Variants in SCUBE1 observed in about 807,000 individuals in gnomAD.
SCUBE1 encodes signal peptide, CUB domain and EGF like domain containing 1.
In SCUBE1, 59 loss-of-function variants were observed where a neutral mutation model predicts 124.4. That is an observed-to-expected ratio of 0.47 (90% CI 0.38 to 0.59). The LOEUF is 0.59. SCUBE1 is among the 20% of genes least tolerant of loss of function. SCUBE1 has a pLI of 0.00. For missense variants in SCUBE1, 1,150 were observed against 1,371.2 expected (o/e 0.84, Z 2.55); for synonymous variants, 545 against 550.9 (o/e 0.99, Z 0.15).
At chr22:43,240,832 C>T (rs1232961282) in intron 6 of SCUBE1, among the ~76,000 whole-genome samples, 1 of 152,188 alleles carries the variant, frequency 6.6e-6, no homozygotes, top group Non-Finnish European at 1.5e-5. Context: ...TGCTCCCCTC[C>T]TGCCTTCTCA....
At chr22:43,209,301 T>G (rs1921437130) in intron 19 of SCUBE1, among the ~76,000 whole-genome samples, 1 of 152,138 alleles carries the variant, frequency 6.6e-6, no homozygotes, top group Admixed American at 6.5e-5. Context: ...CTGCTCTTCC[T>G]TCCCTAACAC....
chr22:43,245,538 C>A (rs551943790), intron 6 of SCUBE1, among the ~76,000 whole-genome samples: 1 of 152,128 alleles, frequency 6.6e-6, no homozygotes, highest in African/African-American at 2.4e-5. Flanking sequence ...AAGGAGAACA[C>A]GGGACAGGAC....
intron 7 of SCUBE1, among the ~76,000 whole-genome samples, chr22:43,235,613 G>A (rs1338491126): frequency 2.0e-5 from 3 of 152,166 alleles, no homozygotes; most frequent in Admixed American, 6.5e-5. Context: ...TGGGAAGAGG[G>A]GCAGGTGACC....
Position 43,229,165 on chromosome 22 carries a change from G to A in SCUBE1, c.991C>T (p.Arg331Trp), listed in dbSNP as rs779496804. Residue 331 changes from arginine (R) to tryptophan (W), a missense_variant, in exon 9 of 22, where the codon CGG becomes TGG. Arg to Trp is a moderately radical substitution (Grantham distance 101). This residue lies in a region of SCUBE1 where 337 missense variants were observed against 482.1 expected (regional missense o/e 0.70). Transcript: ENST00000360835. ...CQDIDECSFE[R>W]TCDHICINSP... ...TTGATGCAGATGTGGTCACAGGTCC[G>A]CTCGAAGGAGCACTCGTCGATGTCT... 8 of 1,613,682 alleles carry A rather than the reference G, an allele frequency of 5.0e-6. 1 individual carries two copies. The highest frequency in any genetic ancestry group is 2.2e-5 in the East Asian group (1 of 44,888).
intron 19 of SCUBE1, among the ~76,000 whole-genome samples, chr22:43,208,767 G>A (rs86625): frequency 0.14 from 21,135 of 152,236 alleles, 1,830 homozygotes; most frequent in African/African-American, 0.23. Flanking sequence ...AGCCGAGTGC[G>A]GCAGCGTGGG....
chr22:43,289,719 C>T (rs1207071367), intron 4 of SCUBE1, among the ~76,000 whole-genome samples: 2 of 152,210 alleles, frequency 1.3e-5, no homozygotes, highest in African/African-American at 2.4e-5. Context: ...AACGCCCTGC[C>T]GGGTAACACC....
chr22:43,231,897 G>C, intron 7 of SCUBE1, 22 bp from the exon 8 acceptor site: 1 of 1,610,048 alleles, frequency 6.2e-7, no homozygotes, highest in Non-Finnish European at 8.5e-7. Context: ...AAGGGGGATG[G>C]AGGAGTGAGA....
At chr22:43,291,318 T>A in intron 3 of SCUBE1, 138 bp from the exon 4 acceptor site, 1 of 890,476 alleles carries the variant, frequency 1.1e-6, no homozygotes, top group Non-Finnish European at 1.7e-6. Flanking sequence ...GCCTCCCTGG[T>A]GCTGTGTGAT....
chr22:43,322,087 C>T (rs897473743), intron 2 of SCUBE1, among the ~76,000 whole-genome samples: 3 of 151,636 alleles, frequency 2.0e-5, no homozygotes, highest in Admixed American at 2.0e-4. Context: ...TGGGTTCAAG[C>T]GATTCGCCTG....
At chr22:43,305,443 C>G (rs1042642709) in intron 3 of SCUBE1, among the ~76,000 whole-genome samples, 1 of 151,970 alleles carries the variant, frequency 6.6e-6, no homozygotes, top group East Asian at 1.9e-4. Flanking sequence ...TCCCTCTGCC[C>G]GGGGGGCTGG....
In SCUBE1 at chr22:43,237,746, C is replaced by T. The variant is rs1386001415; in HGVS notation, c.844+1092G>A. The T allele has an allele frequency of 2.6e-5, 4 of 152,240 alleles. No individual in the cohort carries two copies. In the East Asian group the frequency reaches 7.7e-4, roughly 29 times the overall value. The allele number at this position is 152,240 out of a possible 1,614,324, so 9.4% of individuals were successfully genotyped here. On this transcript the variant is annotated intron_variant, in intron 7 of 21. Coordinates refer to ENST00000360835, the MANE Select transcript of SCUBE1 (RefSeq NM_173050.5). ...AAGTCCACCTCAAGCTATTTTAAGT[C>T]ACCCTAACCTCCACTTTCAATATTT... is the stretch of plus-strand genomic sequence containing the variant.
intron 6 of SCUBE1, among the ~76,000 whole-genome samples, chr22:43,239,855 G>T (rs1922933024): frequency 1.3e-5 from 2 of 152,204 alleles, no homozygotes; most frequent in Admixed American, 1.3e-4. Flanking sequence ...GGATCCCCCT[G>T]CCTGCCTTCG....
intron 8 of SCUBE1, 57 bp from the exon 9 acceptor site, chr22:43,229,245 G>A: frequency 2.4e-6 from 2 of 833,534 alleles, no homozygotes; most frequent in Non-Finnish European, 4.1e-6. Context: ...TGGTGGGTGG[G>A]CACGGCCTGT....
intron 10 of SCUBE1, 148 bp downstream of exon 10, chr22:43,227,226 C>G: frequency 1.0e-6 from 1 of 954,402 alleles, no homozygotes; most frequent in Non-Finnish European, 1.5e-6. Flanking sequence ...CAGCCATACC[C>G]CAACAGCAGA....
intron 6 of SCUBE1, among the ~76,000 whole-genome samples, chr22:43,245,939 C>T (rs998630723): frequency 5.3e-5 from 8 of 152,146 alleles, no homozygotes; most frequent in Non-Finnish European, 7.4e-5. Flanking sequence ...TGGGTGTTCC[C>T]GCACCTGCTC....
rs576018402 is a variant in SCUBE1, at chr22:43,234,121, G to A, written c.845-2246C>T. ...AAGCCCAGCTGTGCTGGTCCAGGGC[G>A]GAGGCTTAGGAATCTCTATCATTCC... On this transcript the variant is annotated intron_variant, in intron 7 of 21. Transcript: ENST00000360835. This position sits in a 1 kb window ranked among gnomAD's most constrained non-coding sequence, Gnocchi z 4.4. Among the ~76,000 whole-genome samples, 1 of 152,050 alleles carries A rather than the reference G, an allele frequency of 6.6e-6. No homozygotes were observed. Among genetic ancestry groups the A allele is most frequent in the East Asian group, 1.9e-4 (1 of 5,164 alleles).
In SCUBE1 at chr22:43,218,445, C is replaced by A. The variant is rs555245749; in HGVS notation, c.1701G>T (p.Ala567=). 6.2e-7 allele frequency: 1 copy of A among 1,611,630 alleles called. No individual in the cohort carries two copies. The highest frequency in any genetic ancestry group is 1.7e-5 in the Admixed American group (1 of 60,014). The change falls in exon 15 of 22, where the codon GCG becomes GCT. Residue 567 remains alanine (A), a synonymous_variant. Transcript: ENST00000360835. ...KMEEASDTCE[A]DCLRKRAEQS... ...GTTCTGCTCGCTTCCGCAAGCAGTC[C>A]GCTTCGCATGTGTCTGCAGGGGCAG... is the stretch of plus-strand genomic sequence containing the variant.
intron 7 of SCUBE1, among the ~76,000 whole-genome samples, chr22:43,232,707 C>T (rs1349489625): frequency 6.6e-6 from 1 of 152,236 alleles, no homozygotes; most frequent in African/African-American, 2.4e-5. Flanking sequence ...TCAGCCTCTG[C>T]TTGCACACCT....
intron 3 of SCUBE1, among the ~76,000 whole-genome samples, chr22:43,295,847 G>A (rs1370978687): frequency 6.6e-6 from 1 of 152,218 alleles, no homozygotes; most frequent in African/African-American, 2.4e-5. Context: ...CCAGGGCACT[G>A]GGCCAGAGCA....
Sources: gnomAD v4.1 joint callset for allele counts (sites outside exome capture counted in the v4.1 genomes callset) on GRCh38, gnomAD v4.1.1 for gene constraint, gnomAD v4.1.1 regional missense constraint, Gnocchi (gnomAD v3.1) non-coding constraint, MANE v1.5 for transcripts, NCBI Gene and HGNC (gene_info 2026-07-23, HGNC 2026-07-21) for gene names.